The following GNL3 variants were observed in gnomAD, a reference collection of about 807,000 sequenced individuals.
The protein encoded by GNL3 is G protein nucleolar 3, also known as guanine nucleotide-binding protein-like 3.
A neutral mutation model predicts 70.6 loss-of-function variants in GNL3; 77 were observed. That is an observed-to-expected ratio of 1.09 (90% CI 0.91 to 1.32). GNL3 has a LOEUF of 1.32. Among genes scored for constraint, GNL3 ranks in the 40% most tolerant of loss-of-function variants. The pLI, the probability that GNL3 is intolerant of heterozygous loss-of-function variation, is 0.00. For missense variants in GNL3, 634 were observed against 644.0 expected, an observed-to-expected ratio of 0.98 and a Z score of 0.17; for synonymous variants, 252 against 216.1, an observed-to-expected ratio of 1.17 and a Z score of -1.46.
In GNL3 at chr3:52,693,326, C is replaced by T. The variant is rs994752017; in HGVS notation, c.1184C>T (p.Thr395Ile). Reference sequence around the variant, plus strand: ...GCCAAACTGCTGTGGTCTGAGTGGACAGGGTAAGCTTTCTTTTCTGTTGGC... The same window carrying T: ...GCCAAACTGCTGTGGTCTGAGTGGATAGGGTAAGCTTTCTTTTCTGTTGGC... Reference protein sequence around the residue: ...GAAKLLWSEWTGASLAYYCHP... With the variant: ...GAAKLLWSEWIGASLAYYCHP... The change falls in exon 11 of 15, where the codon ACA becomes ATA. Residue 395 changes from threonine (T) to isoleucine (I), a missense_variant. Coordinates refer to ENST00000418458, the MANE Select transcript of GNL3 (RefSeq NM_014366.5). 1 of 1,613,636 alleles carries T rather than the reference C, an allele frequency of 6.2e-7. No homozygotes were observed. Among genetic ancestry groups the T allele is most frequent in the Non-Finnish European group, 8.5e-7 (1 of 1,179,922 alleles).
At chr3:52,687,912 C>T in intron 4 of GNL3, 197 bp from the exon 5 acceptor site, 1 of 598,596 alleles carries the variant, frequency 1.7e-6, no homozygotes, top group Non-Finnish European at 3.0e-6. Flanking sequence ...TTGTGCCTGG[C>T]TGAGAGATGA....
rs2097327745 is a variant in GNL3, at chr3:52,691,965, T to C, written c.869+336T>C. Among the ~76,000 whole-genome samples, 8 of 152,080 alleles carry C rather than the reference T, an allele frequency of 5.3e-5. No individual in the cohort carries two copies. The South Asian group carries it at 1.7e-3, about 31-fold the overall frequency. On this transcript the variant is annotated intron_variant, in intron 9 of 14. Transcript: ENST00000418458. ...ATCTGCCCGCCTCGGCCTCCCAAAG[T>C]GCTGGGGTTACAGGCCAAGCCACCG... is the stretch of plus-strand genomic sequence containing the variant.
chr3:52,686,724 A>G (rs756748374), intron 1 of GNL3, 45 bp from the exon 2 acceptor site: 1 of 1,424,100 alleles, frequency 7.0e-7, no homozygotes, highest in Non-Finnish European at 9.9e-7. Flanking sequence ...GTTAACCCAG[A>G]ACTAATCATT....
rs748829334 is a variant in GNL3 at position 52,693,839 on chromosome 3, G to A, written c.1500+32G>A. ...GTGTCCTCCATGAGTTAAAACTGAA[G>A]TGAGTTTTCTAGCATTATAATACAT... On this transcript the variant is annotated intron_variant, in intron 13 of 14. Transcript: ENST00000418458. The A allele has an allele frequency of 1.9e-5, 30 of 1,561,988 alleles. No homozygotes were observed. The East Asian group carries it at 6.3e-4, about 33-fold the overall frequency.
chr3:52,686,864 T>C (rs1436311639), intron 2 of GNL3, 37 bp downstream of exon 2: 6 of 1,448,928 alleles, frequency 4.1e-6, no homozygotes, highest in Non-Finnish European at 5.8e-6. Context: ...ACCAAACACA[T>C]TGCTAAACTG....
rs376863542 is a variant in GNL3 at position 52,693,561 on chromosome 3, G to T, written c.1324+17G>T. ...GCATAAGAGGTGAGAATTGTGTGTC[G>T]CTGCTGTCTTCATCAGCTGACAGGC... On this transcript the variant is annotated intron_variant, in intron 12 of 14. Coordinates refer to ENST00000418458, the MANE Select transcript of GNL3 (RefSeq NM_014366.5). The T allele has an allele frequency of 1.1e-5, 17 of 1,613,966 alleles. No individual in the cohort carries two copies. Among genetic ancestry groups the T allele is most frequent in the Non-Finnish European group, 1.4e-5 (17 of 1,179,954 alleles).
intron 13 of GNL3, 71 bp downstream of exon 13, chr3:52,693,878 G>A: frequency 7.1e-7 from 1 of 1,406,178 alleles, no homozygotes; most frequent in Non-Finnish European, 9.9e-7. Context: ...GGAAGGAACT[G>A]AAGATAGGAA....
intron 10 of GNL3, 65 bp from the exon 11 acceptor site, chr3:52,693,122 G>A: frequency 6.3e-7 from 1 of 1,598,908 alleles, no homozygotes; most frequent in Non-Finnish European, 8.5e-7. Flanking sequence ...AAAAATCTTG[G>A]AAGTGTTTTA....
chr3:52,690,711 T>C lies in GNL3; in HGVS notation c.654+7T>C, dbSNP rs773906691. 4 of 1,444,984 alleles carry C rather than the reference T, an allele frequency of 2.8e-6. No individual in the cohort carries two copies. Among genetic ancestry groups the C allele is most frequent in the African/African-American group, 1.4e-5 (1 of 71,434 alleles). The allele number at this position is 1,444,984 out of a possible 1,614,324, so 89.5% of individuals were successfully genotyped here. On this transcript the variant is annotated splice_region_variant and intron_variant, in intron 7 of 14. Transcript: ENST00000418458. Reference sequence around the variant, plus strand: ...TAAAGGGAAGATAACCAAGGTATCCTTTATTAGTGGTAAGAAATGTGATTC... The same window carrying C: ...TAAAGGGAAGATAACCAAGGTATCCCTTATTAGTGGTAAGAAATGTGATTC...
At chr3:52,686,389 A>G (rs1406237726) in intron 1 of GNL3, 6 of 584,324 alleles carry the variant, frequency 1.0e-5, no homozygotes, top group Admixed American at 6.2e-5. Flanking sequence ...TTGAGGCCCA[A>G]TATTTTCTTT....
chr3:52,688,968 TGG>T, intron 5 of GNL3, 104 bp from the exon 6 acceptor site: 1 of 879,950 alleles, frequency 1.1e-6, no homozygotes, highest in Admixed American at 2.1e-5. Context: ...TGTTGCTAAA[TGG>T]ATAATGCCAG....
Position 52,693,411 on chromosome 3 carries a change from C to T in GNL3, c.1191C>T (p.Ala397=), listed in dbSNP as rs747197715. The T allele has an allele frequency of 2.5e-6, 4 of 1,614,038 alleles. No homozygotes were observed. Among genetic ancestry groups the T allele is most frequent in the Middle Eastern group, 1.6e-4 (1 of 6,062 alleles). Residue 397 remains alanine (A), a synonymous_variant, in exon 12 of 15, where the codon GCC becomes GCT. Transcript: ENST00000418458. ...CACATCTTATTTTTAATATCAGTGCCTCATTAGCTTACTATTGCCATCCCC... is the reference window on the plus strand; with the variant it reads ...CACATCTTATTTTTAATATCAGTGCTTCATTAGCTTACTATTGCCATCCCC... ...AKLLWSEWTG[A]SLAYYCHPPT... is the part of the protein sequence containing the mutation.
At chr3:52,692,603 C>T in intron 9 of GNL3, 1 of 461,720 alleles carries the variant, frequency 2.2e-6, no homozygotes, top group Admixed American at 2.4e-5. Flanking sequence ...AGGCGTGAGC[C>T]ACCGCGCCCA....
At position 52,688,092 on chromosome 3, in the gene GNL3, C is replaced by T. The variant is rs1362679614; in HGVS notation, c.325-17C>T. ...CTCTACTTCTAATTTTGTGTTATTTCCCCCTTTATCCTCTAGGAGTTTGGG... is the reference window on the plus strand; with the variant it reads ...CTCTACTTCTAATTTTGTGTTATTTTCCCCTTTATCCTCTAGGAGTTTGGG... On this transcript the variant is annotated splice_polypyrimidine_tract_variant and intron_variant, in intron 4 of 14. Transcript: ENST00000418458. The T allele has an allele frequency of 1.4e-6, 2 of 1,474,358 alleles. No homozygotes were observed. Among genetic ancestry groups the T allele is most frequent in the Admixed American group, 1.7e-5 (1 of 59,598 alleles). The allele number at this position is 1,474,358 out of a possible 1,614,324, so 91.3% of individuals were successfully genotyped here.
rs140931409 is a variant in GNL3, at chr3:52,692,233, A to C, written c.869+604A>C. ...CCTGGCTAGTTTTTGTATTTTTAAT[A>C]GAGATGGGGTTTCACTGTTGGCCAG... On this transcript the variant is annotated intron_variant, in intron 9 of 14. Transcript: ENST00000418458. Among the ~76,000 whole-genome samples the C allele has an allele frequency of 4.0e-3, 612 of 152,284 alleles. 3 individuals are homozygous for C. Among genetic ancestry groups the C allele is most frequent in the South Asian group, 0.023 (110 of 4,828 alleles).
intron 2 of GNL3, chr3:52,687,035 T>C (rs2097316573): frequency 1.6e-6 from 1 of 630,288 alleles, no homozygotes; most frequent in Non-Finnish European, 2.8e-6. Flanking sequence ...TTGTTCAGCA[T>C]GTTAATCTCT....
At chr3:52,691,296 T>A (rs2097326999) in intron 8 of GNL3, 1 of 607,538 alleles carries the variant, frequency 1.6e-6, no homozygotes, top group East Asian at 2.8e-5. Flanking sequence ...TTGTTGGGAC[T>A]GATTACTGTA....
chr3:52,692,476 C>T (rs915554463), intron 9 of GNL3, among the ~76,000 whole-genome samples: 21 of 150,508 alleles, frequency 1.4e-4, no homozygotes, highest in African/African-American at 4.2e-4. Context: ...CAAAGGCACC[C>T]GGCTAATTTT....
At chr3:52,685,982 G>T, upstream of GNL3, 2 of 760,456 alleles carry the variant, frequency 2.6e-6, no homozygotes, top group Admixed American at 1.8e-5. Flanking sequence ...GAGAGGCGGT[G>T]ACGCACTTTA....
Sources: gnomAD v4.1 joint callset for allele counts (sites outside exome capture counted in the v4.1 genomes callset) on GRCh38, gnomAD v4.1.1 for gene constraint, MANE v1.5 for transcripts, NCBI Gene and HGNC (gene_info 2026-07-23, HGNC 2026-07-21) for gene names.